Variants in SLC30A5 observed in about 807,000 individuals in gnomAD.
The protein encoded by SLC30A5 is solute carrier family 30 member 5.
Under a neutral mutation model 79.6 loss-of-function variants are expected in SLC30A5, and 33 were observed. That is an observed-to-expected ratio of 0.41 (90% CI 0.31 to 0.55). SLC30A5 has a LOEUF of 0.55. SLC30A5 is among the 20% of genes least tolerant of loss of function. The pLI, the probability that SLC30A5 is intolerant of heterozygous loss-of-function variation, is 0.20. For synonymous variants in SLC30A5, 299 were observed against 319.7 expected (o/e 0.94, Z 0.69); for missense variants, 788 against 928.1 (o/e 0.85, Z 1.96).
At chr5:69,107,838 T>G (rs1031698153) in intron 4 of SLC30A5, among the ~76,000 whole-genome samples, 3 of 151,982 alleles carry the variant, frequency 2.0e-5, no homozygotes, top group Non-Finnish European at 2.9e-5. Flanking sequence ...GTTCAAGTGA[T>G]TCTCCTGCCT....
At chr5:69,104,783 A>G in intron 4 of SLC30A5, 67 bp downstream of exon 4, 1 of 1,476,098 alleles carries the variant, frequency 6.8e-7, no homozygotes, top group East Asian at 2.3e-5. Flanking sequence ...TTTTTGTTCC[A>G]CTGTGTTTTA....
chr5:69,099,927 T>C (rs1022191453), intron 1 of SLC30A5, among the ~76,000 whole-genome samples: 2 of 152,250 alleles, frequency 1.3e-5, no homozygotes, highest in Non-Finnish European at 2.9e-5. Context: ...ATCATTCATA[T>C]ACATTGAAAA....
In SLC30A5 at chr5:69,094,357, A is replaced by G; in HGVS notation, c.83+19A>G. The G allele has an allele frequency of 1.6e-6, 2 of 1,245,350 alleles. No homozygotes were observed. The highest frequency in any genetic ancestry group is 2.0e-6 in the Non-Finnish European group (2 of 987,700). 77.1% of individuals were successfully genotyped at this position (1,245,350 alleles called of 1,614,324 possible). Reference sequence around the variant, plus strand: ...GCGCTCGGTAAGGGACCGATCCGGAAGGCAGCGACCGGCCGGGTCGCTCAG... The same window carrying G: ...GCGCTCGGTAAGGGACCGATCCGGAGGGCAGCGACCGGCCGGGTCGCTCAG... On this transcript the variant is annotated intron_variant, in intron 1 of 15. Transcript: ENST00000396591.
In SLC30A5 at chr5:69,129,566, A is replaced by G; in HGVS notation, c.2247A>G (p.Thr749=). 6.2e-7 allele frequency: 1 copy of G among 1,613,074 alleles called. No homozygotes were observed. The highest frequency in any genetic ancestry group is 8.5e-7 in the Non-Finnish European group (1 of 1,179,538). The change falls in exon 16 of 16, where the codon ACA becomes ACG. Residue 749 remains threonine (T), a synonymous_variant. Transcript: ENST00000396591. ...GATTTCATGATGTTCTGGCTATGACAAAACAAATGGAATCCATGAAATACT... is the reference window on the plus strand; with the variant it reads ...GATTTCATGATGTTCTGGCTATGACGAAACAAATGGAATCCATGAAATACT... The part of the protein sequence containing the change: ...STGFHDVLAM[T]KQMESMKYCK...
At chr5:69,099,725 AT>A (rs1745855372) in intron 1 of SLC30A5, among the ~76,000 whole-genome samples, 1 of 152,208 alleles carries the variant, frequency 6.6e-6, no homozygotes. Flanking sequence ...GGCATTTACC[AT>A]TCTTCCGTTT....
intron 11 of SLC30A5, among the ~76,000 whole-genome samples, chr5:69,117,602 C>T (rs1450817962): frequency 5.3e-5 from 8 of 152,204 alleles, no homozygotes; most frequent in African/African-American, 1.9e-4. Context: ...CTTGGCCGAG[C>T]ACAGTGGCTC....
intron 1 of SLC30A5, among the ~76,000 whole-genome samples, chr5:69,098,907 A>G (rs1285038375): frequency 1.3e-5 from 2 of 152,244 alleles, no homozygotes; most frequent in African/African-American, 4.8e-5. Context: ...AAAATAATCC[A>G]TATTTGTGAA....
At chr5:69,111,446 A>G (rs560440158) in intron 5 of SLC30A5, among the ~76,000 whole-genome samples, 1 of 151,706 alleles carries the variant, frequency 6.6e-6, no homozygotes, top group African/African-American at 2.4e-5. Context: ...CTGGAATTAC[A>G]GGCACCTGCC....
chr5:69,125,564 G>A (rs536315885), intron 14 of SLC30A5, among the ~76,000 whole-genome samples: 3 of 150,530 alleles, frequency 2.0e-5, no homozygotes, highest in Non-Finnish European at 3.0e-5. Flanking sequence ...GGCCTGGCAC[G>A]GTGGCTCAGG....
intron 2 of SLC30A5, 38 bp from the exon 3 acceptor site, chr5:69,103,024 G>A: frequency 9.9e-7 from 1 of 1,008,846 alleles, no homozygotes; most frequent in Admixed American, 2.1e-5. Context: ...TGTTTAATAT[G>A]GATTAATATT....
intron 15 of SLC30A5, 54 bp from the exon 16 acceptor site, chr5:69,129,393 G>C: frequency 7.6e-7 from 1 of 1,313,218 alleles, no homozygotes; most frequent in Non-Finnish European, 1.1e-6. Context: ...ATTAAGACGT[G>C]TGTACTAAAT....
chr5:69,097,817 G>A (rs1352419979), intron 1 of SLC30A5, among the ~76,000 whole-genome samples: 1 of 152,112 alleles, frequency 6.6e-6, no homozygotes, highest in African/African-American at 2.4e-5. Flanking sequence ...GGGATTACAG[G>A]CATGAGCTAC....
At chr5:69,122,307 G>T (rs934342219) in intron 13 of SLC30A5, among the ~76,000 whole-genome samples, 1 of 152,120 alleles carries the variant, frequency 6.6e-6, no homozygotes, top group African/African-American at 2.4e-5. Flanking sequence ...CGAGGCAGAA[G>T]AATCGCTTAC....
chr5:69,103,745 A>C (rs145060592), intron 3 of SLC30A5, among the ~76,000 whole-genome samples: 136 of 152,332 alleles, frequency 8.9e-4, no homozygotes, highest in African/African-American at 3.2e-3. Flanking sequence ...CAAACTAGAA[A>C]TGTCCTACAT....
Position 69,116,042 on chromosome 5 carries a change from A to G in SLC30A5, c.900A>G (p.Lys300=). 1 of 1,614,150 alleles carries G rather than the reference A, an allele frequency of 6.2e-7. No homozygotes were observed. The highest frequency in any genetic ancestry group is 8.5e-7 in the Non-Finnish European group (1 of 1,180,036). Residue 300 remains lysine, a synonymous_variant, in exon 9 of 16, where the codon AAA becomes AAG. Coordinates refer to ENST00000396591, the MANE Select transcript of SLC30A5 (RefSeq NM_022902.5). The surrounding 1 kb of genome is among the most constrained non-coding windows in gnomAD (Gnocchi z 4.0). Reference sequence around the variant, plus strand: ...GTTCAGTCAAAATGGAAGTTTCCAAATGTGCTCGTTATGGATCCTTTCCCA... The same window carrying G: ...GTTCAGTCAAAATGGAAGTTTCCAAGTGTGCTCGTTATGGATCCTTTCCCA... ...SICSVKMEVS[K]CARYGSFPIF...
chr5:69,120,007 G>A (rs1746491940), intron 12 of SLC30A5, among the ~76,000 whole-genome samples: 3 of 107,294 alleles, frequency 2.8e-5, no homozygotes, highest in African/African-American at 3.7e-5. Flanking sequence ...GTGATAGAGA[G>A]ACTCTGCCTC....
Position 69,118,569 on chromosome 5 carries a change from T to G in SLC30A5, c.1510T>G (p.Phe504Val), listed in dbSNP as rs759460262. The change falls in exon 12 of 16, where the codon TTT becomes GTT. Residue 504 changes from phenylalanine to valine, a missense_variant. Phe to Val is a conservative substitution (Grantham distance 50, BLOSUM62 -1). Transcript: ENST00000396591. ...TCTAATAGTAATAGCGTTTTTTGTG[T>G]TTATGGAGTCAGTGGCTAGATTGAT... ...LFLIVIAFFV[F>V]MESVARLIDP... 1.0e-5 allele frequency: 16 copies of G among 1,604,740 alleles called. No homozygotes were observed. The highest frequency in any genetic ancestry group is 1.4e-5 in the Non-Finnish European group (16 of 1,175,906).
Position 69,121,821 on chromosome 5 carries a change from T to G in SLC30A5, c.1697T>G (p.Met566Arg), listed in dbSNP as rs962287606. 6.2e-7 allele frequency: 1 copy of G among 1,613,428 alleles called. No homozygotes were observed. Among genetic ancestry groups the G allele is most frequent in the Non-Finnish European group, 8.5e-7 (1 of 1,179,628 alleles). The change falls in exon 13 of 16, where the codon ATG becomes AGG. Residue 566 changes from methionine to arginine, a missense_variant. Met to Arg is a moderately conservative substitution (Grantham distance 91, BLOSUM62 -1). Coordinates refer to ENST00000396591, the MANE Select transcript of SLC30A5 (RefSeq NM_022902.5). ...HSSDHSHSHH[M>R]HGHSDHGHGH... Reference sequence around the variant, plus strand: ...TCTGATCACAGCCATTCACACCATATGCATGGACACAGTGACCATGGGCAT... The same window carrying G: ...TCTGATCACAGCCATTCACACCATAGGCATGGACACAGTGACCATGGGCAT...
chr5:69,128,811 T>A (rs1166289827), intron 15 of SLC30A5, among the ~76,000 whole-genome samples: 1 of 152,124 alleles, frequency 6.6e-6, no homozygotes, highest in Non-Finnish European at 1.5e-5. Context: ...GAGATAGAGG[T>A]CAGAATAGTT....
Sources: gnomAD v4.1 joint callset for allele counts (sites outside exome capture counted in the v4.1 genomes callset) on GRCh38, gnomAD v4.1.1 for gene constraint, Gnocchi (gnomAD v3.1) non-coding constraint, MANE v1.5 for transcripts, NCBI Gene and HGNC (gene_info 2026-07-23, HGNC 2026-07-21) for gene names.